CMC1: variants seen among roughly 807,000 people sequenced by gnomAD.
The protein encoded by CMC1 is C-X9-C motif containing 1, also known as COX assembly mitochondrial protein homolog.
CMC1 carries 14 observed loss-of-function variants against 14.1 expected under a neutral mutation model. The ratio of observed to expected loss-of-function variants is 0.99; its 90% confidence interval spans 0.66 to 1.55. The LOEUF (loss-of-function observed/expected upper bound fraction) is 1.55. CMC1 is among the 40% of genes most tolerant of loss of function. The pLI is 0.00. For synonymous variants in CMC1, 50 were observed against 38.4 expected (o/e 1.30, Z -1.12); for missense variants, 127 against 123.8 (o/e 1.03, Z -0.12).
chr3:28,248,534 A>G (rs1165108655), intron 1 of CMC1, among the ~76,000 whole-genome samples: 1 of 152,202 alleles, frequency 6.6e-6, no homozygotes, highest in East Asian at 1.9e-4. Context: ...AAATATTAAT[A>G]CTTGTCATAG....
At chr3:28,303,538 G>C (rs1177646051) in intron 2 of CMC1, among the ~76,000 whole-genome samples, 1 of 152,058 alleles carries the variant, frequency 6.6e-6, no homozygotes, top group Non-Finnish European at 1.5e-5. Flanking sequence ...TAAATGCTGA[G>C]TACAGCCTTT....
rs574285583 is a variant in CMC1 at position 28,316,521 on chromosome 3, C to T, written c.200+98C>T. 1.4e-4 allele frequency: 71 copies of T among 509,410 alleles called. No individual in the cohort carries two copies. The South Asian group carries it at 3.7e-3, about 27-fold the overall frequency. The allele number at this position is 509,410 out of a possible 1,614,324, so 31.6% of individuals were successfully genotyped here. ...ACATGTAATATATTCTGTACCTCTC[C>T]ATACCAAATTTATCATATTGTTGGC... On this transcript the variant is annotated intron_variant, in intron 3 of 3. Coordinates refer to ENST00000466830, the MANE Select transcript of CMC1 (RefSeq NM_182523.2).
intron 1 of CMC1, among the ~76,000 whole-genome samples, chr3:28,251,633 CTTTG>C: frequency 3.3e-5 from 5 of 152,206 alleles, no homozygotes; most frequent in African/African-American, 1.2e-4. Flanking sequence ...AAGGCTGAGT[CTTTG>C]AAATAAGTGA....
intron 2 of CMC1, among the ~76,000 whole-genome samples, chr3:28,265,277 C>T (rs1000461124): frequency 3.3e-5 from 5 of 151,848 alleles, no homozygotes; most frequent in African/African-American, 9.7e-5. Flanking sequence ...TGATTCAAAA[C>T]AATATTTTAG....
intron 2 of CMC1, among the ~76,000 whole-genome samples, chr3:28,304,148 C>T (rs140067689): frequency 7.2e-5 from 11 of 152,062 alleles, no homozygotes; most frequent in East Asian, 3.9e-4. Context: ...GTTATGCAGT[C>T]GCATTAGCCA....
rs537697846 is a variant in CMC1 at position 28,269,120 on chromosome 3, A to G, written c.109+5740A>G. On this transcript the variant is annotated intron_variant, in intron 2 of 3. Transcript: ENST00000466830. ...AAATCAAATTTTATCAGGGGTATGT[A>G]TGTAGAGGAAATAAACATAGTATAC... Among the ~76,000 whole-genome samples the G allele has an allele frequency of 1.6e-4, 24 of 152,300 alleles. No homozygotes were observed. In the South Asian group the frequency reaches 3.7e-3, roughly 24 times the overall value.
chr3:28,265,483 T>C (rs1051631586), intron 2 of CMC1, among the ~76,000 whole-genome samples: 1 of 152,188 alleles, frequency 6.6e-6, no homozygotes, highest in Non-Finnish European at 1.5e-5. Context: ...TAAATAATTA[T>C]AGGATTTTAT....
chr3:28,320,447 G>A lies in CMC1; in HGVS notation c.*818G>A, dbSNP rs1202274272. On this transcript the variant is annotated 3_prime_UTR_variant, in exon 4 of 4. Transcript: ENST00000466830. ...CCCGCTCTCTTGAGAACTAATACCT[G>A]TAATAATGGCATAAATCCATTCACG... is the stretch of plus-strand genomic sequence containing the variant. 1 of 151,424 alleles carries A rather than the reference G, an allele frequency of 6.6e-6. No homozygotes were observed. Among genetic ancestry groups the A allele is most frequent in the Non-Finnish European group, 1.5e-5 (1 of 67,614 alleles). The allele number at this position is 151,424 out of a possible 1,614,324, so 9.4% of individuals were successfully genotyped here. A position where few individuals can be genotyped will look rare whatever the true frequency, so the allele number is the denominator to read the frequency against.
rs888011658 is a variant in CMC1 at position 28,305,330 on chromosome 3, A to C, written c.110-11003A>C. On this transcript the variant is annotated intron_variant, in intron 2 of 3. Coordinates refer to ENST00000466830, the MANE Select transcript of CMC1 (RefSeq NM_182523.2). ...ATTTTCTTTCTCCATTCCACTGTTG[A>C]TGGACACTTAGGTTGATTCCATAAC... 2.6e-5 allele frequency among the ~76,000 whole-genome samples: 4 copies of C among 152,066 alleles called. No individual in the cohort carries two copies. In the South Asian group the frequency reaches 8.3e-4, roughly 32 times the overall value.
chr3:28,297,878 G>A (rs1314164060), intron 2 of CMC1, among the ~76,000 whole-genome samples: 2 of 151,746 alleles, frequency 1.3e-5, no homozygotes, highest in Non-Finnish European at 1.5e-5. Context: ...CACTGTTCAT[G>A]TATTTGTATA....
intron 1 of CMC1, among the ~76,000 whole-genome samples, chr3:28,244,887 GTTT>G (rs34300975): frequency 7.0e-6 from 1 of 142,868 alleles, no homozygotes; most frequent in African/African-American, 2.6e-5. Flanking sequence ...AAGTAGGAAG[GTTT>G]TTTTTTTTTT....
chr3:28,302,509 T>C (rs1702106339), intron 2 of CMC1, among the ~76,000 whole-genome samples: 1 of 152,194 alleles, frequency 6.6e-6, no homozygotes, highest in African/African-American at 2.4e-5. Flanking sequence ...GTGCTTTCAT[T>C]GTCCACACCA....
At chr3:28,296,011 G>C (rs766940701) in intron 2 of CMC1, among the ~76,000 whole-genome samples, 15 of 152,014 alleles carry the variant, frequency 9.9e-5, no homozygotes, top group Non-Finnish European at 2.2e-4. Context: ...CCCTAAACCA[G>C]TTACTTTCAG....
intron 2 of CMC1, among the ~76,000 whole-genome samples, chr3:28,268,204 A>C (rs1326471902): frequency 6.6e-6 from 1 of 152,210 alleles, no homozygotes; most frequent in Non-Finnish European, 1.5e-5. Flanking sequence ...TTGATTCACT[A>C]GGAAGACTGA....
intron 2 of CMC1, among the ~76,000 whole-genome samples, chr3:28,289,349 A>G (rs1251710249): frequency 6.6e-6 from 1 of 152,020 alleles, no homozygotes; most frequent in Non-Finnish European, 1.5e-5. Context: ...GGGAAGGAAT[A>G]GTCTGTGAAA....
chr3:28,293,952 A>G (rs1464092844), intron 2 of CMC1, among the ~76,000 whole-genome samples: 1 of 152,086 alleles, frequency 6.6e-6, no homozygotes, highest in Non-Finnish European at 1.5e-5. Flanking sequence ...TCTTCCTAAG[A>G]CCTTTTATAT....
intron 1 of CMC1, among the ~76,000 whole-genome samples, chr3:28,250,833 A>T (rs1469761579): frequency 6.6e-6 from 1 of 152,210 alleles, no homozygotes; most frequent in African/African-American, 2.4e-5. Context: ...GATTAAGTAC[A>T]GATATTACCT....
chr3:28,252,660 T>C (rs1435829855), intron 1 of CMC1, among the ~76,000 whole-genome samples: 1 of 152,222 alleles, frequency 6.6e-6, no homozygotes, highest in Non-Finnish European at 1.5e-5. Flanking sequence ...TGCTTCAGCA[T>C]AACTGTGGAA....
intron 1 of CMC1, 27 bp from the exon 2 acceptor site, chr3:28,263,264 A>G: frequency 2.0e-6 from 3 of 1,531,328 alleles, no homozygotes; most frequent in Non-Finnish European, 2.7e-6. Context: ...TTGAGACTTT[A>G]TTAAAGAAAG....
Sources: gnomAD v4.1 joint callset for allele counts (sites outside exome capture counted in the v4.1 genomes callset) on GRCh38, gnomAD v4.1.1 for gene constraint, MANE v1.5 for transcripts, NCBI Gene and HGNC (gene_info 2026-07-23, HGNC 2026-07-21) for gene names.